The following CHST8 variants were observed in gnomAD, a reference collection of about 807,000 sequenced individuals.
CHST8 encodes carbohydrate sulfotransferase 8.
In CHST8, 10 loss-of-function variants were observed where a neutral mutation model predicts 15.0. That is an observed-to-expected ratio of 0.67 (90% CI 0.41 to 1.13). CHST8 has a LOEUF of 1.13. Among genes scored for constraint, CHST8 ranks in the 50% most tolerant of loss-of-function variants. The pLI is 0.00. For missense variants in CHST8, 634 were observed against 608.2 expected (o/e 1.04, Z -0.45); for synonymous variants, 259 against 256.6 (o/e 1.01, Z -0.09).
chr19:33,639,243 C>T (rs530167583), intron 1 of CHST8, among the ~76,000 whole-genome samples: 26 of 152,120 alleles, frequency 1.7e-4, no homozygotes, highest in South Asian at 1.7e-3. Flanking sequence ...AGTTAAAACC[C>T]GTGTACGGGT....
At chr19:33,766,419 C>G (rs1488067867) in intron 3 of CHST8, among the ~76,000 whole-genome samples, 3 of 152,200 alleles carry the variant, frequency 2.0e-5, no homozygotes, top group Non-Finnish European at 4.4e-5. Flanking sequence ...CTGCCAGCAC[C>G]CTGCACTCGG....
At chr19:33,745,989 C>T (rs1974307015) in intron 3 of CHST8, among the ~76,000 whole-genome samples, 3 of 152,140 alleles carry the variant, frequency 2.0e-5, no homozygotes, top group Admixed American at 1.3e-4. Flanking sequence ...TTGACTGGGG[C>T]GGAGACAGTT....
At chr19:33,629,705 C>T (rs1424042966) in intron 1 of CHST8, among the ~76,000 whole-genome samples, 1 of 152,260 alleles carries the variant, frequency 6.6e-6, no homozygotes, top group Non-Finnish European at 1.5e-5. Flanking sequence ...GTCACCTTGT[C>T]CTCACTGTCT....
intron 1 of CHST8, among the ~76,000 whole-genome samples, chr19:33,639,910 G>T (rs1046935268): frequency 1.3e-5 from 2 of 151,246 alleles, no homozygotes; most frequent in African/African-American, 4.9e-5. Flanking sequence ...CGCGATCTCG[G>T]CTTACTGCAA....
intron 3 of CHST8, among the ~76,000 whole-genome samples, chr19:33,733,514 C>T (rs770123314): frequency 6.6e-5 from 10 of 152,168 alleles, no homozygotes; most frequent in Admixed American, 1.3e-4. Flanking sequence ...GGATTACAGG[C>T]GTGAGCCACA....
chr19:33,636,420 A>G (rs1248085220), intron 1 of CHST8, among the ~76,000 whole-genome samples: 1 of 152,046 alleles, frequency 6.6e-6, no homozygotes, highest in Non-Finnish European at 1.5e-5. Flanking sequence ...CCTATGCAGT[A>G]TTTCACGTCT....
intron 3 of CHST8, among the ~76,000 whole-genome samples, chr19:33,755,516 G>C (rs562146613): frequency 6.6e-6 from 1 of 152,104 alleles, no homozygotes; most frequent in East Asian, 1.9e-4. Flanking sequence ...ATTCTAGAAA[G>C]AACGGCCCTC....
chr19:33,650,075 T>C (rs1349045456), intron 1 of CHST8, among the ~76,000 whole-genome samples: 1 of 152,214 alleles, frequency 6.6e-6, no homozygotes, highest in Non-Finnish European at 1.5e-5. Context: ...GAGTCTGTTC[T>C]GTGAGTCTTA....
chr19:33,664,447 C>A (rs1466324248), intron 1 of CHST8, among the ~76,000 whole-genome samples: 44 of 111,924 alleles, frequency 3.9e-4, no homozygotes, highest in Non-Finnish European at 7.1e-4. Flanking sequence ...CCCCCCTCCC[C>A]CCTCCCCACA....
At chr19:33,739,465 C>T (rs1482378632) in intron 3 of CHST8, among the ~76,000 whole-genome samples, 2 of 152,214 alleles carry the variant, frequency 1.3e-5, no homozygotes, top group Non-Finnish European at 2.9e-5. Flanking sequence ...AGAGTGTTTG[C>T]AGTTGTTCAT....
At chr19:33,677,209 C>A (rs1341101920) in intron 2 of CHST8, among the ~76,000 whole-genome samples, 1 of 152,156 alleles carries the variant, frequency 6.6e-6, no homozygotes, top group East Asian at 1.9e-4. Context: ...TGCTCTTTTG[C>A]TTTAAGATGC....
chr19:33,622,959 G>A (rs1408873732), intron 1 of CHST8, among the ~76,000 whole-genome samples: 1 of 152,160 alleles, frequency 6.6e-6, no homozygotes, highest in East Asian at 1.9e-4. Context: ...GAAATGATCC[G>A]TTTGGCCGCG....
chr19:33,681,145 T>G (rs1972882760), intron 2 of CHST8, among the ~76,000 whole-genome samples: 1 of 152,194 alleles, frequency 6.6e-6, no homozygotes, highest in Non-Finnish European at 1.5e-5. Context: ...CCTGTTAGAT[T>G]TCTGCCTTGA....
chr19:33,682,523 C>G (rs1568325498), intron 2 of CHST8, among the ~76,000 whole-genome samples: 2 of 152,196 alleles, frequency 1.3e-5, no homozygotes, highest in Admixed American at 1.3e-4. Flanking sequence ...TTTCATCATC[C>G]CAAACAGAGA....
chr19:33,657,315 C>CTGG (rs1360821570), intron 1 of CHST8, among the ~76,000 whole-genome samples: 1 of 150,140 alleles, frequency 6.7e-6, no homozygotes, highest in Admixed American at 6.7e-5. Context: ...GTTGCCCAGG[C>CTGG]TGGAGTGCAG....
intron 1 of CHST8, among the ~76,000 whole-genome samples, chr19:33,662,225 G>A (rs956800614): frequency 5.9e-5 from 9 of 152,014 alleles, no homozygotes; most frequent in Admixed American, 1.3e-4. Flanking sequence ...ACTAAGACGC[G>A]CGCCACCATG....
At chr19:33,677,125 A>C (rs1435799073) in intron 2 of CHST8, among the ~76,000 whole-genome samples, 1 of 151,422 alleles carries the variant, frequency 6.6e-6, no homozygotes, top group Non-Finnish European at 1.5e-5. Flanking sequence ...ATAAGAAGTC[A>C]GGGCTCCAGC....
intron 2 of CHST8, among the ~76,000 whole-genome samples, chr19:33,676,131 T>C (rs1379958933): frequency 6.6e-6 from 1 of 151,986 alleles, no homozygotes; most frequent in Non-Finnish European, 1.5e-5. Context: ...AAATCCAGCA[T>C]GGACATAAGG....
rs376887330 is a variant in CHST8 at position 33,657,331 on chromosome 19, C to T, written c.-163-10436C>T. Among the ~76,000 whole-genome samples the T allele has an allele frequency of 3.9e-4, 59 of 150,762 alleles. 2 individuals are homozygous for T. The highest frequency in any genetic ancestry group is 1.3e-3 in the African/African-American group (54 of 40,970). On this transcript the variant is annotated intron_variant, in intron 1 of 4. Coordinates refer to ENST00000650847, the MANE Select transcript of CHST8 (RefSeq NM_001127895.2). ...TTGCCCAGGCTGGAGTGCAGTAGCA[C>T]GATCTCAGCTCACTGCAACCTCCAC...
Sources: gnomAD v4.1 joint callset for allele counts (sites outside exome capture counted in the v4.1 genomes callset) on GRCh38, gnomAD v4.1.1 for gene constraint, MANE v1.5 for transcripts, NCBI Gene and HGNC (gene_info 2026-07-23, HGNC 2026-07-21) for gene names.